Variants in CLASP2 observed in about 807,000 individuals in gnomAD.
The protein encoded by CLASP2 is CLIP-associating protein 2.
In CLASP2, 47 loss-of-function variants were observed where a neutral mutation model predicts 194.4. That is an observed-to-expected ratio of 0.24 (90% confidence interval 0.19 to 0.31). CLASP2 has a LOEUF of 0.31. CLASP2 is among the 10% of genes least tolerant of loss of function. The pLI is 1.00. For synonymous variants in CLASP2, 619 were observed against 633.5 expected, an observed-to-expected ratio of 0.98 and a Z score of 0.34; for missense variants, 1,445 against 1,823.6, an observed-to-expected ratio of 0.79 and a Z score of 3.78.
chr3:33,546,774 A>T (rs1376313474), intron 30 of CLASP2, among the ~76,000 whole-genome samples: 1 of 152,126 alleles, frequency 6.6e-6, no homozygotes, highest in Non-Finnish European at 1.5e-5. Context: ...CATAATCTTT[A>T]AAAACATAAA....
At chr3:33,696,739 T>A in intron 2 of CLASP2, 116 bp downstream of exon 2, 1 of 780,720 alleles carries the variant, frequency 1.3e-6, no homozygotes. Flanking sequence ...GTGCTGGGAT[T>A]ACAGAAATTA....
intron 7 of CLASP2, among the ~76,000 whole-genome samples, chr3:33,651,956 G>A (rs563889231): frequency 6.6e-6 from 1 of 152,128 alleles, no homozygotes; most frequent in East Asian, 1.9e-4. Flanking sequence ...ACCACACCTG[G>A]CCTCCACTTC....
intron 10 of CLASP2, among the ~76,000 whole-genome samples, chr3:33,623,567 T>A (rs1339798357): frequency 6.6e-6 from 1 of 152,118 alleles, no homozygotes; most frequent in Non-Finnish European, 1.5e-5. Flanking sequence ...AAACATAATG[T>A]CCTCCAGTTC....
chr3:33,563,882 C>T, intron 27 of CLASP2: 1 of 456,128 alleles, frequency 2.2e-6, no homozygotes, highest in Non-Finnish European at 4.4e-6. Flanking sequence ...AACATAAACT[C>T]TTTATCCTTG....
intron 37 of CLASP2, among the ~76,000 whole-genome samples, chr3:33,506,140 C>T (rs896844978): frequency 1.7e-4 from 25 of 151,478 alleles, no homozygotes; most frequent in African/African-American, 5.1e-4. Context: ...TTTGGGAGGC[C>T]GAGGCAGGTG....
chr3:33,649,160 C>T (rs1318706428), intron 7 of CLASP2, among the ~76,000 whole-genome samples: 1 of 152,186 alleles, frequency 6.6e-6, no homozygotes, highest in African/African-American at 2.4e-5. Context: ...TCATCCACAT[C>T]CATACTGTTC....
At chr3:33,657,320 T>C (rs2084430860) in intron 7 of CLASP2, among the ~76,000 whole-genome samples, 1 of 152,124 alleles carries the variant, frequency 6.6e-6, no homozygotes, top group Non-Finnish European at 1.5e-5. Context: ...CATATCTTTA[T>C]TGTTTAAATT....
rs554154520 is a variant in CLASP2 at position 33,600,641 on chromosome 3, CCTT to C, written c.1924+2308_1924+2310del. On this transcript the variant is annotated intron_variant, in intron 18 of 38. Coordinates refer to ENST00000682230, the MANE Select transcript of CLASP2 (RefSeq NM_001365631.1). ...ACACCTTTGTATATATCACACCAGTCCTTCTTCTATGTATAATTTTACACAAAA... is the reference window on the plus strand; with the variant it reads ...ACACCTTTGTATATATCACACCAGTCCTTCTATGTATAATTTTACACAAAA... Among the ~76,000 whole-genome samples, 260 of 152,284 alleles carry C rather than the reference CCTT, an allele frequency of 1.7e-3. 5 individuals carry two copies. The highest frequency in any genetic ancestry group is 0.014 in the Admixed American group (220 of 15,298).
chr3:33,509,385 T>C (rs2049141586), intron 37 of CLASP2, among the ~76,000 whole-genome samples: 2 of 152,172 alleles, frequency 1.3e-5, no homozygotes, highest in South Asian at 4.1e-4. Context: ...CTGGCTAATT[T>C]TGTATATTTA....
rs1308949472 is a variant in CLASP2, at chr3:33,551,411, C to T, written c.3010-16G>A. ...CAACCTTCACCTGCAGAGGAAAGCACAAAGAGAAAGGACAGAAAGATGGTT... is the reference window on the plus strand; with the variant it reads ...CAACCTTCACCTGCAGAGGAAAGCATAAAGAGAAAGGACAGAAAGATGGTT... On this transcript the variant is annotated splice_polypyrimidine_tract_variant and intron_variant, in intron 29 of 38. Coordinates refer to ENST00000682230, the MANE Select transcript of CLASP2 (RefSeq NM_001365631.1). 1 of 1,606,512 alleles carries T rather than the reference C, an allele frequency of 6.2e-7. No homozygotes were observed. The highest frequency in any genetic ancestry group is 1.3e-5 in the African/African-American group (1 of 74,716).
At chr3:33,710,447 C>T (rs193098361) in intron 1 of CLASP2, among the ~76,000 whole-genome samples, 12 of 152,202 alleles carry the variant, frequency 7.9e-5, no homozygotes, top group African/African-American at 2.6e-4. Context: ...GTGGCTCATA[C>T]CTATAGTTTC....
intron 32 of CLASP2, among the ~76,000 whole-genome samples, chr3:33,540,961 T>C (rs900425323): frequency 7.2e-5 from 11 of 152,046 alleles, no homozygotes; most frequent in African/African-American, 1.7e-4. Context: ...TTAGTAGAGA[T>C]GGGGTTTTGC....
intron 30 of CLASP2, among the ~76,000 whole-genome samples, chr3:33,546,997 G>C (rs1048957227): frequency 2.3e-4 from 35 of 152,056 alleles, no homozygotes; most frequent in Admixed American, 8.5e-4. Context: ...TTATTTTCCT[G>C]TATCTATTGA....
chr3:33,644,648 C>T (rs2081972969), intron 8 of CLASP2, 109 bp downstream of exon 8: 1 of 1,176,214 alleles, frequency 8.5e-7, no homozygotes, highest in Non-Finnish European at 1.2e-6. Flanking sequence ...TCCAGATCTG[C>T]AATCGTGCTG....
chr3:33,684,366 G>A lies in CLASP2; in HGVS notation c.637C>T (p.Pro213Ser). 1 of 1,577,468 alleles carries A rather than the reference G, an allele frequency of 6.3e-7. No homozygotes were observed. Among genetic ancestry groups the A allele is most frequent in the East Asian group, 2.3e-5 (1 of 42,982 alleles). Residue 213 changes from proline to serine, a missense_variant, in exon 6 of 39, where the codon CCT (proline) becomes TCT (serine). Transcript: ENST00000682230. ...RMDLYKRGIP[P>S]ARLEMIFAKF... ...AAATTTAGCAAGACTTACCTAGCAG[G>A]GGGAATTCCTCTCTTATAAAGATCC...
At chr3:33,562,135 T>C (rs2061886962) in intron 27 of CLASP2, among the ~76,000 whole-genome samples, 1 of 152,228 alleles carries the variant, frequency 6.6e-6, no homozygotes, top group Non-Finnish European at 1.5e-5. Context: ...ATACTTTAGC[T>C]ATTTGCTTAA....
chr3:33,707,974 C>G (rs939292512), intron 1 of CLASP2, among the ~76,000 whole-genome samples: 7 of 152,164 alleles, frequency 4.6e-5, no homozygotes, highest in African/African-American at 1.7e-4. Flanking sequence ...GCAAAAGGGA[C>G]TCTGTGGATA....
At chr3:33,695,892 G>A (rs1044137592) in intron 2 of CLASP2, among the ~76,000 whole-genome samples, 1 of 152,150 alleles carries the variant, frequency 6.6e-6, no homozygotes. Context: ...ATACTCTAAA[G>A]GTACATGAAG....
At chr3:33,552,344 C>T (rs1391344417) in intron 29 of CLASP2, among the ~76,000 whole-genome samples, 3 of 152,050 alleles carry the variant, frequency 2.0e-5, no homozygotes, top group Non-Finnish European at 4.4e-5. Context: ...GTCTCGAACT[C>T]CTGACCTCAT....
Sources: gnomAD v4.1 joint callset for allele counts (sites outside exome capture counted in the v4.1 genomes callset) on GRCh38, gnomAD v4.1.1 for gene constraint, MANE v1.5 for transcripts, NCBI Gene and HGNC (gene_info 2026-07-23, HGNC 2026-07-21) for gene names.